Variants in SPOCK1 observed in about 807,000 individuals in gnomAD.
The protein encoded by SPOCK1 is testican-1.
Under a neutral mutation model 55.3 loss-of-function variants are expected in SPOCK1, and 23 were observed. The observed-to-expected ratio is 0.42, with a 90% CI of 0.30 to 0.59. The LOEUF (loss-of-function observed/expected upper bound fraction) is 0.59. SPOCK1 is among the 20% of genes least tolerant of loss of function. The pLI is 0.22. For missense variants in SPOCK1, 499 were observed against 552.5 expected, an observed-to-expected ratio of 0.90 and a Z score of 0.97; for synonymous variants, 226 against 221.0, an observed-to-expected ratio of 1.02 and a Z score of -0.20.
intron 3 of SPOCK1, among the ~76,000 whole-genome samples, chr5:137,181,715 T>G (rs1465368890): frequency 6.6e-6 from 1 of 152,250 alleles, no homozygotes; most frequent in Non-Finnish European, 1.5e-5. Flanking sequence ...CTTACTGCTG[T>G]GTAAACTCCC....
intron 2 of SPOCK1, among the ~76,000 whole-genome samples, chr5:137,417,286 A>G (rs1035281526): frequency 1.2e-4 from 17 of 146,478 alleles, no homozygotes; most frequent in African/African-American, 3.5e-4. Context: ...TAGAAGTTTT[A>G]TAGTTTTACA....
At chr5:137,116,010 T>C (rs1301668662) in intron 4 of SPOCK1, among the ~76,000 whole-genome samples, 2 of 152,204 alleles carry the variant, frequency 1.3e-5, no homozygotes, top group Non-Finnish European at 2.9e-5. Context: ...CAGATATTTG[T>C]CAACTGGGGT....
intron 3 of SPOCK1, among the ~76,000 whole-genome samples, chr5:137,194,794 G>C (rs1005598081): frequency 6.6e-6 from 1 of 152,146 alleles, no homozygotes; most frequent in African/African-American, 2.4e-5. Flanking sequence ...CGAAGACTCA[G>C]TGAAAGCTCC....
chr5:137,438,992 G>A (rs768768870), intron 2 of SPOCK1, among the ~76,000 whole-genome samples: 5 of 152,192 alleles, frequency 3.3e-5, no homozygotes, highest in Non-Finnish European at 7.3e-5. Flanking sequence ...CACACACTTT[G>A]GAGTCAGATG....
chr5:137,224,715 T>C (rs947616880), intron 3 of SPOCK1, among the ~76,000 whole-genome samples: 7 of 152,160 alleles, frequency 4.6e-5, no homozygotes, highest in Non-Finnish European at 1.0e-4. Context: ...CCCAGTTAAA[T>C]AAAATTGTTA....
At chr5:137,050,697 T>C (rs1441306031) in intron 6 of SPOCK1, among the ~76,000 whole-genome samples, 1 of 152,178 alleles carries the variant, frequency 6.6e-6, no homozygotes. Context: ...GAGAGGAAGA[T>C]AAAAATGCCC....
At chr5:137,464,345 T>C (rs954055107) in intron 2 of SPOCK1, among the ~76,000 whole-genome samples, 3 of 152,232 alleles carry the variant, frequency 2.0e-5, no homozygotes, top group Middle Eastern at 3.4e-3. Flanking sequence ...AAGGGATGGA[T>C]ACTCAATTTT....
At chr5:137,213,554 G>T (rs1246007565) in intron 3 of SPOCK1, among the ~76,000 whole-genome samples, 1 of 152,018 alleles carries the variant, frequency 6.6e-6, no homozygotes, top group Non-Finnish European at 1.5e-5. Context: ...ACAAGGCCAG[G>T]GTCTACCTCT....
chr5:137,161,029 T>TA (rs1754545708), intron 3 of SPOCK1, among the ~76,000 whole-genome samples: 1 of 137,870 alleles, frequency 7.3e-6, no homozygotes, highest in African/African-American at 2.7e-5. Flanking sequence ...TATATATATA[T>TA]TACATATATT....
At chr5:136,986,468 ATTATC>A (rs1561571343) in intron 8 of SPOCK1, among the ~76,000 whole-genome samples, 2 of 152,212 alleles carry the variant, frequency 1.3e-5, no homozygotes, top group East Asian at 3.8e-4. Context: ...TTAAATGGCT[ATTATC>A]TTAACATTGA....
intron 3 of SPOCK1, among the ~76,000 whole-genome samples, chr5:137,141,962 C>A (rs1250865130): frequency 1.3e-5 from 2 of 152,176 alleles, no homozygotes; most frequent in Non-Finnish European, 2.9e-5. Flanking sequence ...CAGCGCTCTG[C>A]GTGCTGAGGT....
chr5:137,380,781 G>A (rs529143713), intron 2 of SPOCK1, among the ~76,000 whole-genome samples: 1 of 152,242 alleles, frequency 6.6e-6, no homozygotes, highest in African/African-American at 2.4e-5. Flanking sequence ...TTTGGGCAGA[G>A]ACAAAAATCC....
intron 2 of SPOCK1, among the ~76,000 whole-genome samples, chr5:137,477,161 T>C (rs1753852612): frequency 6.6e-6 from 1 of 152,208 alleles, no homozygotes; most frequent in Non-Finnish European, 1.5e-5. Context: ...TCAAAGTATA[T>C]GCCATGACCC....
At chr5:137,229,690 C>T (rs1017068588) in intron 3 of SPOCK1, among the ~76,000 whole-genome samples, 6 of 152,032 alleles carry the variant, frequency 3.9e-5, no homozygotes, top group Non-Finnish European at 1.5e-5. Context: ...GGGACCAGTT[C>T]GTGGAAGCAA....
intron 3 of SPOCK1, among the ~76,000 whole-genome samples, chr5:137,241,200 T>G (rs1399676850): frequency 6.6e-6 from 1 of 152,142 alleles, no homozygotes; most frequent in Non-Finnish European, 1.5e-5. Flanking sequence ...CTTTAAGACA[T>G]GCCTGAAAAT....
At chr5:137,069,984 CT>C (rs1466017312) in intron 5 of SPOCK1, among the ~76,000 whole-genome samples, 1 of 152,222 alleles carries the variant, frequency 6.6e-6, no homozygotes, top group East Asian at 1.9e-4. Context: ...ATCCACACTT[CT>C]GCTCCAGGCC....
chr5:137,281,177 G>A (rs1757159550), intron 2 of SPOCK1, among the ~76,000 whole-genome samples: 1 of 151,842 alleles, frequency 6.6e-6, no homozygotes, highest in South Asian at 2.1e-4. Flanking sequence ...AAGCCCTCTG[G>A]GGTAGGTATA....
At chr5:137,219,048 A>C (rs2127086485) in intron 3 of SPOCK1, among the ~76,000 whole-genome samples, 1 of 152,296 alleles carries the variant, frequency 6.6e-6, no homozygotes, top group East Asian at 1.9e-4. Flanking sequence ...AACCTGTTTT[A>C]TACAAAGCTC....
At chr5:137,376,672 A>G (rs534214443) in intron 2 of SPOCK1, among the ~76,000 whole-genome samples, 1 of 152,286 alleles carries the variant, frequency 6.6e-6, no homozygotes, top group Non-Finnish European at 1.5e-5. Flanking sequence ...CTTATGGGAA[A>G]AGTAACTCCT....
Sources: allele counts gnomAD v4.1 joint callset (sites outside exome capture counted in the v4.1 genomes callset), GRCh38; gene constraint gnomAD v4.1.1; transcripts MANE v1.5; gene names NCBI Gene and HGNC (gene_info 2026-07-23, HGNC 2026-07-21).